LYPLAL1: variants seen among roughly 807,000 people sequenced by gnomAD.
The protein encoded by LYPLAL1 is lysophospholipase-like protein 1.
LYPLAL1 carries 23 observed loss-of-function variants against 19.7 expected under a neutral mutation model. The ratio of observed to expected loss-of-function variants is 1.17; its 90% confidence interval spans 0.84 to 1.65. The LOEUF is 1.65. Ranked by LOEUF, LYPLAL1 falls within the 40% of genes most tolerant of loss-of-function variation. The pLI is 0.00. For missense variants in LYPLAL1, 355 were observed against 279.4 expected (o/e 1.27, Z -1.93); for synonymous variants, 119 against 96.3 (o/e 1.24, Z -1.38).
the LYPLAL1 span, among the ~76,000 whole-genome samples, chr1:219,223,515 G>C: frequency 6.6e-6 from 1 of 152,024 alleles, no homozygotes; most frequent in Non-Finnish European, 1.5e-5. Context: ...ATATATTTTT[G>C]TGCTATCCTC....
the LYPLAL1 span, among the ~76,000 whole-genome samples, chr1:219,297,741 T>A: frequency 6.6e-6 from 1 of 152,212 alleles, no homozygotes; most frequent in Non-Finnish European, 1.5e-5. Flanking sequence ...TTATTTACAT[T>A]GGAGTTGACA....
chr1:219,306,944 A>G, the LYPLAL1 span, among the ~76,000 whole-genome samples: 1 of 151,604 alleles, frequency 6.6e-6, no homozygotes, highest in African/African-American at 2.4e-5. Context: ...GCAGAGGCCA[A>G]ACTCAATGAA....
chr1:219,337,065 T>G, the LYPLAL1 span, among the ~76,000 whole-genome samples: 2 of 151,980 alleles, frequency 1.3e-5, no homozygotes, highest in Admixed American at 1.3e-4. Context: ...CATTACATCA[T>G]TCTCTGCTTT....
the LYPLAL1 span, among the ~76,000 whole-genome samples, chr1:219,320,847 G>C: frequency 9.3e-4 from 142 of 152,212 alleles, 5 homozygotes; most frequent in East Asian, 0.026. Context: ...TCATTGATGG[G>C]CACTTGGGTT....
chr1:219,209,795 C>A (rs1658853841), intron 3 of LYPLAL1, among the ~76,000 whole-genome samples: 1 of 152,066 alleles, frequency 6.6e-6, no homozygotes, highest in African/African-American at 2.4e-5. Flanking sequence ...TCTCCATATT[C>A]TGTGTTGGAT....
the LYPLAL1 span, among the ~76,000 whole-genome samples, chr1:219,364,692 TAAA>T: frequency 6.6e-6 from 1 of 152,130 alleles, no homozygotes. Flanking sequence ...TTAAATAAAA[TAAA>T]GAAATATATC....
the LYPLAL1 span, among the ~76,000 whole-genome samples, chr1:219,426,333 AG>A: frequency 1.3e-5 from 2 of 152,146 alleles, no homozygotes; most frequent in Non-Finnish European, 2.9e-5. Flanking sequence ...TTGTCCTCTC[AG>A]TGTTATTGGC....
At chr1:219,349,588 C>T in the LYPLAL1 span, among the ~76,000 whole-genome samples, 1 of 151,930 alleles carries the variant, frequency 6.6e-6, no homozygotes, top group African/African-American at 2.4e-5. Context: ...TGTACCTATG[C>T]ATGCATGTAT....
chr1:219,377,795 A>G, the LYPLAL1 span, among the ~76,000 whole-genome samples: 18 of 152,234 alleles, frequency 1.2e-4, no homozygotes, highest in African/African-American at 4.1e-4. Context: ...TCTCTATCAC[A>G]AATTCGTAAT....
At chr1:219,234,862 G>A in the LYPLAL1 span, among the ~76,000 whole-genome samples, 1 of 151,976 alleles carries the variant, frequency 6.6e-6, no homozygotes, top group Non-Finnish European at 1.5e-5. Flanking sequence ...CGCAAACAAT[G>A]GATAATGTAT....
chr1:219,302,301 C>A, the LYPLAL1 span, among the ~76,000 whole-genome samples: 2 of 152,178 alleles, frequency 1.3e-5, no homozygotes, highest in Admixed American at 1.3e-4. Flanking sequence ...CCAAGAGTCA[C>A]TCTTCTGGGC....
intron 3 of LYPLAL1, among the ~76,000 whole-genome samples, chr1:219,202,130 A>T (rs1658157905): frequency 6.6e-6 from 1 of 152,210 alleles, no homozygotes; most frequent in South Asian, 2.1e-4. Context: ...TTCTAATCCT[A>T]TATTCCTCAC....
chr1:219,431,256 T>C, the LYPLAL1 span, among the ~76,000 whole-genome samples: 2 of 151,962 alleles, frequency 1.3e-5, no homozygotes, highest in African/African-American at 4.8e-5. Flanking sequence ...GTTGGATTTA[T>C]TCTACATGTT....
At chr1:219,387,732 G>A in the LYPLAL1 span, among the ~76,000 whole-genome samples, 2 of 152,084 alleles carry the variant, frequency 1.3e-5, no homozygotes, top group African/African-American at 4.8e-5. Flanking sequence ...TGTGATGGTG[G>A]GGAATATGTC....
the LYPLAL1 span, among the ~76,000 whole-genome samples, chr1:219,295,852 G>A: frequency 6.6e-6 from 1 of 152,098 alleles, no homozygotes; most frequent in South Asian, 2.1e-4. Context: ...CTTTGCAATG[G>A]GCCTTCTCAG....
downstream of LYPLAL1, among the ~76,000 whole-genome samples, chr1:219,216,718 GTACTC>G (rs1181466297): frequency 6.6e-6 from 1 of 152,036 alleles, no homozygotes; most frequent in African/African-American, 2.4e-5. Flanking sequence ...TCTGTGTGCA[GTACTC>G]TACTCTGTGA....
chr1:219,307,693 G>A, the LYPLAL1 span, among the ~76,000 whole-genome samples: 1 of 152,170 alleles, frequency 6.6e-6, no homozygotes, highest in African/African-American at 2.4e-5. Context: ...ATCCCCAAGT[G>A]TTGTGGGAGG....
chr1:219,270,499 C>T, the LYPLAL1 span, among the ~76,000 whole-genome samples: 1 of 152,170 alleles, frequency 6.6e-6, no homozygotes, highest in Non-Finnish European at 1.5e-5. Context: ...GCATAGTGCA[C>T]GAAAAGGCTG....
intron 1 of LYPLAL1, 124 bp downstream of exon 1, chr1:219,174,105 G>T (rs1655601044): frequency 1.3e-6 from 2 of 1,488,224 alleles, no homozygotes; most frequent in South Asian, 2.5e-5. Flanking sequence ...TGGCTCCCCC[G>T]TCGCCAGCCC....
Sources: allele counts gnomAD v4.1 joint callset (sites outside exome capture counted in the v4.1 genomes callset), GRCh38; gene constraint gnomAD v4.1.1; transcripts MANE v1.5; gene names NCBI Gene and HGNC (gene_info 2026-07-23, HGNC 2026-07-21).